The following TMEM132C variants were observed in gnomAD, a reference collection of about 807,000 sequenced individuals.
TMEM132C encodes the protein transmembrane protein 132C, also known as protein phosphatase 1, regulatory subunit 152.
Under a neutral mutation model 61.4 loss-of-function variants are expected in TMEM132C, and 29 were observed. That is an observed-to-expected ratio of 0.47 (90% CI 0.35 to 0.64). TMEM132C has a LOEUF of 0.64. Ranked by LOEUF, TMEM132C falls within the 30% of genes least tolerant of loss-of-function variation. The probability of loss-of-function intolerance (pLI) is 0.00; values close to 1 mark genes in which losing one functional copy is unlikely to be tolerated. For synonymous variants in TMEM132C, 656 were observed against 633.1 expected (o/e 1.04, Z -0.54); for missense variants, 1,408 against 1,476.9 (o/e 0.95, Z 0.76).
chr12:128,466,755 T>G (rs1870750180), intron 2 of TMEM132C, among the ~76,000 whole-genome samples: 1 of 152,140 alleles, frequency 6.6e-6, no homozygotes. Flanking sequence ...TGGGGTCAGG[T>G]GATCCACCCG....
intron 1 of TMEM132C, among the ~76,000 whole-genome samples, chr12:128,378,627 C>G (rs1214305442): frequency 1.3e-5 from 2 of 152,140 alleles, no homozygotes; most frequent in African/African-American, 4.8e-5. Flanking sequence ...GTGGAAGGAG[C>G]TGTCATAGTA....
At chr12:128,291,480 G>A (rs1871245702) in intron 1 of TMEM132C, among the ~76,000 whole-genome samples, 1 of 152,232 alleles carries the variant, frequency 6.6e-6, no homozygotes, top group Non-Finnish European at 1.5e-5. Context: ...CAGCCGACCT[G>A]CTGCGGGAGG....
At chr12:128,288,987 G>T (rs1349349661) in intron 1 of TMEM132C, 2 of 152,100 alleles carry the variant, frequency 1.3e-5, no homozygotes, top group Non-Finnish European at 2.9e-5. Flanking sequence ...ACGCATGCAT[G>T]TGCTCACACG....
chr12:128,377,481 A>C (rs1349277564), intron 1 of TMEM132C, among the ~76,000 whole-genome samples: 7 of 152,190 alleles, frequency 4.6e-5, no homozygotes, highest in Non-Finnish European at 1.0e-4. Flanking sequence ...CATTGTAGGT[A>C]ATGACCCATT....
intron 4 of TMEM132C, among the ~76,000 whole-genome samples, chr12:128,618,421 AG>A (rs1305834609): frequency 6.6e-6 from 1 of 152,232 alleles, no homozygotes; most frequent in Non-Finnish European, 1.5e-5. Context: ...TTTATTCAAA[AG>A]TTCATTGATA....
chr12:128,634,412 G>A (rs1010094826), intron 4 of TMEM132C, among the ~76,000 whole-genome samples: 1 of 152,244 alleles, frequency 6.6e-6, no homozygotes, highest in Non-Finnish European at 1.5e-5. Context: ...AAAGTAAGGA[G>A]ACGGGACTTG....
At chr12:128,490,243 C>T (rs931489001) in intron 2 of TMEM132C, among the ~76,000 whole-genome samples, 2 of 152,188 alleles carry the variant, frequency 1.3e-5, no homozygotes, top group South Asian at 2.1e-4. Flanking sequence ...CAAGAACCAG[C>T]TTTGGTCATG....
rs914047254 is a variant in TMEM132C, at chr12:128,570,033, TGAAAG to T, written c.1121+25933_1121+25937del. 9.2e-5 allele frequency among the ~76,000 whole-genome samples: 14 copies of T among 152,180 alleles called. No individual in the cohort carries two copies. Among genetic ancestry groups the T allele is most frequent in the African/African-American group, 2.9e-4 (12 of 41,508 alleles). On this transcript the variant is annotated intron_variant, in intron 3 of 8. Coordinates refer to ENST00000435159, the MANE Select transcript of TMEM132C (RefSeq NM_001136103.3). The surrounding 1 kb of genome is among the most constrained non-coding windows in gnomAD (Gnocchi z 4.7). ...TTATCATTGCCGTTAACGTGAGAAGTGAAAGGAGAGATGGAGAATAAACACTGTCC... is the reference window on the plus strand; with the variant it reads ...TTATCATTGCCGTTAACGTGAGAAGTGAGAGATGGAGAATAAACACTGTCC...
intron 2 of TMEM132C, among the ~76,000 whole-genome samples, chr12:128,488,940 C>T (rs867867519): frequency 6.6e-6 from 1 of 152,022 alleles, no homozygotes; most frequent in African/African-American, 2.4e-5. Flanking sequence ...TCGTCCCACC[C>T]AGGTTGATAA....
intron 1 of TMEM132C, among the ~76,000 whole-genome samples, chr12:128,387,621 C>T (rs965544024): frequency 6.6e-6 from 1 of 152,072 alleles, no homozygotes; most frequent in Admixed American, 6.5e-5. Flanking sequence ...ACCAGCCTGG[C>T]TGACACGATG....
At chr12:128,565,963 C>T (rs1378303712) in intron 3 of TMEM132C, among the ~76,000 whole-genome samples, 1 of 151,926 alleles carries the variant, frequency 6.6e-6, no homozygotes, top group Non-Finnish European at 1.5e-5. Flanking sequence ...AATCTTGGCT[C>T]ACTGCAACCT....
intron 1 of TMEM132C, among the ~76,000 whole-genome samples, chr12:128,340,913 TCTTTCTCTCTC>T (rs1565906182): frequency 4.2e-4 from 46 of 110,036 alleles, no homozygotes; most frequent in African/African-American, 1.2e-3. Flanking sequence ...TTTCTCTCTC[TCTTTCTCTCTC>T]TCTCTCTCTC....
chr12:128,436,426 C>T (rs1869592483), intron 2 of TMEM132C, among the ~76,000 whole-genome samples: 1 of 152,180 alleles, frequency 6.6e-6, no homozygotes, highest in Non-Finnish European at 1.5e-5. Flanking sequence ...TATCCAGAAT[C>T]TACAAAGAAC....
intron 3 of TMEM132C, among the ~76,000 whole-genome samples, chr12:128,575,181 TTATAAA>T (rs1381392552): frequency 6.6e-6 from 1 of 152,228 alleles, no homozygotes; most frequent in East Asian, 1.9e-4. Context: ...TCATCATACC[TTATAAA>T]TATAAAGAGA....
intron 1 of TMEM132C, among the ~76,000 whole-genome samples, chr12:128,322,903 G>A (rs1243031169): frequency 6.6e-6 from 1 of 152,128 alleles, no homozygotes; most frequent in African/African-American, 2.4e-5. Context: ...TAGGCCCAGG[G>A]AAGATTAAAT....
At chr12:128,300,634 A>G (rs1871564987) in intron 1 of TMEM132C, among the ~76,000 whole-genome samples, 1 of 152,184 alleles carries the variant, frequency 6.6e-6, no homozygotes, top group Non-Finnish European at 1.5e-5. Flanking sequence ...TCTAAGAACC[A>G]GGGGTGGACA....
At chr12:128,414,701 C>T (rs1023918931) in intron 1 of TMEM132C, 31 bp from the exon 2 acceptor site, 3 of 1,486,790 alleles carry the variant, frequency 2.0e-6, no homozygotes, top group Admixed American at 2.3e-5. Context: ...CTGTCTTTGT[C>T]TTTTTCTTTT....
intron 1 of TMEM132C, among the ~76,000 whole-genome samples, chr12:128,391,125 A>C (rs940235192): frequency 1.3e-5 from 2 of 152,028 alleles, no homozygotes; most frequent in African/African-American, 4.8e-5. Flanking sequence ...TAATGGAGGG[A>C]CTCCTGCAGT....
chr12:128,518,663 C>T (rs555029722), intron 2 of TMEM132C, among the ~76,000 whole-genome samples: 1 of 152,174 alleles, frequency 6.6e-6, no homozygotes, highest in Non-Finnish European at 1.5e-5. Context: ...TTTTGATCTT[C>T]AGCTTCAATC....
Sources: allele counts gnomAD v4.1 joint callset (sites outside exome capture counted in the v4.1 genomes callset), GRCh38; gene constraint gnomAD v4.1.1; non-coding constraint Gnocchi (gnomAD v3.1); transcripts MANE v1.5; gene names NCBI Gene and HGNC (gene_info 2026-07-23, HGNC 2026-07-21).